Variants in NPY5R observed in about 807,000 individuals in gnomAD.
NPY5R encodes the protein neuropeptide Y receptor type 5.
In NPY5R, 21 loss-of-function variants were observed where a neutral mutation model predicts 24.8. The observed-to-expected ratio is 0.85, with a 90% CI of 0.60 to 1.22. The LOEUF is 1.22. NPY5R is among the 50% of genes most tolerant of loss of function. The pLI is 0.00. For missense variants in NPY5R, 481 were observed against 521.3 expected (o/e 0.92, Z 0.75); for synonymous variants, 175 against 183.0 (o/e 0.96, Z 0.35).
Position 163,350,567 on chromosome 4 carries a change from A to C in NPY5R, c.294A>C (p.Thr98=). The C allele has an allele frequency of 6.2e-7, 1 of 1,614,076 alleles. No homozygotes were observed. The highest frequency in any genetic ancestry group is 8.5e-7 in the Non-Finnish European group (1 of 1,180,006). The change falls in exon 4 of 4, where the codon ACA becomes ACC. Residue 98 remains threonine (T), a synonymous_variant. Coordinates refer to ENST00000338566, the MANE Select transcript of NPY5R (RefSeq NM_006174.4). ...ILVVLFCSPF[T]LTSVLLDQWM... is the part of the protein sequence containing the mutation. ...TTGTGCTGTTTTGCTCACCTTTCACACTGACGTCTGTCTTGCTGGATCAGT... is the reference window on the plus strand; with the variant it reads ...TTGTGCTGTTTTGCTCACCTTTCACCCTGACGTCTGTCTTGCTGGATCAGT...
intron 1 of NPY5R, chr4:163,345,013 C>T (rs548027178): frequency 7.9e-5 from 12 of 152,324 alleles, no homozygotes; most frequent in African/African-American, 2.4e-4. Context: ...TGGAATCATG[C>T]TGCTGTTCCA....
chr4:163,348,785 G>A (rs888400885), intron 3 of NPY5R, among the ~76,000 whole-genome samples: 1 of 151,882 alleles, frequency 6.6e-6, no homozygotes, highest in African/African-American at 2.4e-5. Flanking sequence ...AATATGTAGA[G>A]GTAAATACGT....
chr4:163,349,770 A>G (rs557683633), intron 3 of NPY5R, among the ~76,000 whole-genome samples: 26 of 152,352 alleles, frequency 1.7e-4, no homozygotes, highest in Admixed American at 1.0e-3. Context: ...TAAATTTACT[A>G]TAATCATTAT....
At chr4:163,345,231 C>T (rs538975791) in intron 1 of NPY5R, 1 of 152,278 alleles carries the variant, frequency 6.6e-6, no homozygotes, top group South Asian at 2.1e-4. Context: ...GCAGTTCCTC[C>T]TATTATTCTT....
intron 1 of NPY5R, 130 bp from the exon 2 acceptor site, chr4:163,345,584 T>C (rs1046562934): frequency 6.6e-6 from 1 of 152,210 alleles, no homozygotes; most frequent in Non-Finnish European, 1.5e-5. Context: ...TCTCTGGCTA[T>C]ATTTCATAAT....
intron 3 of NPY5R, among the ~76,000 whole-genome samples, chr4:163,349,972 C>T (rs891712817): frequency 2.0e-5 from 3 of 151,760 alleles, no homozygotes; most frequent in Non-Finnish European, 4.4e-5. Flanking sequence ...GGCGCAGTGG[C>T]GGGCGCCTGT....
chr4:163,350,877 T>C lies in NPY5R; in HGVS notation c.604T>C (p.Trp202Arg), dbSNP rs368949528. The change falls in exon 4 of 4, where the codon TGG becomes CGG. Residue 202 changes from tryptophan (W) to arginine (R), a missense_variant. Transcript: ENST00000338566. Reference protein sequence around the residue: ...LSSRYLCVESWPSDSYRIAFT... With the variant: ...LSSRYLCVESRPSDSYRIAFT... ...CAGCAGGTATTTATGTGTTGAGTCA[T>C]GGCCATCTGATTCATACAGAATTGC... The C allele has an allele frequency of 8.1e-6, 13 of 1,614,102 alleles. No homozygotes were observed. In the South Asian group the frequency reaches 1.1e-4, roughly 14 times the overall value.
chr4:163,352,304 A>C (rs769145648), downstream of NPY5R, among the ~76,000 whole-genome samples: 2 of 152,194 alleles, frequency 1.3e-5, no homozygotes, highest in Non-Finnish European at 2.9e-5. Context: ...AACATTAAAC[A>C]CTACCAATAA....
At position 163,350,428 on chromosome 4, in the gene NPY5R, G is replaced by C. The variant is rs1560870044; in HGVS notation, c.155G>C (p.Ser52Thr). The change falls in exon 4 of 4, where the codon AGT becomes ACT. Residue 52 changes from serine (S) to threonine (T), a missense_variant. Coordinates refer to ENST00000338566, the MANE Select transcript of NPY5R (RefSeq NM_006174.4). ...CTGATTGGGCTCTATACATTTGTAA[G>C]TCTTCTTGGCTTTATGGGGAATCTA... ...YFLIGLYTFV[S>T]LLGFMGNLLI... The C allele has an allele frequency of 1.9e-6, 3 of 1,613,912 alleles. No individual in the cohort carries two copies. Among genetic ancestry groups the C allele is most frequent in the Non-Finnish European group, 2.5e-6 (3 of 1,179,824 alleles).
rs1189705818 is a variant in NPY5R at position 163,351,238 on chromosome 4, A to G, written c.965A>G (p.Gln322Arg). 3.1e-6 allele frequency: 5 copies of G among 1,614,086 alleles called. No homozygotes were observed. Among genetic ancestry groups the G allele is most frequent in the Non-Finnish European group, 3.4e-6 (4 of 1,180,026 alleles). ...GAAAACTTTGGCTCTGTAAGAAGTC[A>G]GCTCTCTTCATCCAGTAAGTTCATA... ...LPENFGSVRS[Q>R]LSSSSKFIPG... Residue 322 changes from glutamine to arginine, a missense_variant, in exon 4 of 4, where the codon CAG becomes CGG. Transcript: ENST00000338566.
In NPY5R at chr4:163,349,616, T is replaced by TA. The variant is rs1009379653; in HGVS notation, c.-9-647dup. Among the ~76,000 whole-genome samples the TA allele has an allele frequency of 1.1e-4, 17 of 152,346 alleles. 1 individual carries two copies. Among genetic ancestry groups the TA allele is most frequent in the Admixed American group, 9.8e-4 (15 of 15,304 alleles). ...GGTATATTGACTTGGAGAATAATAT[T>TA]AATGAGTGATTGCAAAGCATGTATC... On this transcript the variant is annotated intron_variant, in intron 3 of 3. Transcript: ENST00000338566.
chr4:163,350,394 C>T lies in NPY5R; in HGVS notation c.121C>T (p.Gln41Ter), dbSNP rs1473033532. 1 of 1,613,182 alleles carries T rather than the reference C, an allele frequency of 6.2e-7. No individual in the cohort carries two copies. Among genetic ancestry groups the T allele is most frequent in the Admixed American group, 1.7e-5 (1 of 59,954 alleles). Residue 41 changes from glutamine (Q) to a stop codon, truncating the protein, a stop_gained, in exon 4 of 4, where the codon CAG (glutamine) becomes TAG (stop). Coordinates refer to ENST00000338566, the MANE Select transcript of NPY5R (RefSeq NM_006174.4). LOFTEE classifies it high-confidence loss of function. ...CTATAAAAGCAGTGTAGATGACTTA[C>T]AGTATTTTCTGATTGGGCTCTATAC... is the stretch of plus-strand genomic sequence containing the variant. ...DDYKSSVDDLQYFLIGLYTFV... is the reference protein window; with the variant it reads ...DDYKSSVDDL
downstream of NPY5R, among the ~76,000 whole-genome samples, chr4:163,352,345 T>G (rs1735525448): frequency 6.6e-6 from 1 of 152,194 alleles, no homozygotes; most frequent in Non-Finnish European, 1.5e-5. Context: ...TTTTCTATTC[T>G]AAAATGTGAA....
rs747640202 is a variant in NPY5R at position 163,350,481 on chromosome 4, C to T, written c.208C>T (p.Arg70Cys). ...TATTTTAATGGCTCTCATGAAAAAGCGTAATCAGAAGACTACGGTAAACTT... is the reference window on the plus strand; with the variant it reads ...TATTTTAATGGCTCTCATGAAAAAGTGTAATCAGAAGACTACGGTAAACTT... ...LLILMALMKK[R>C]NQKTTVNFLI... Residue 70 changes from arginine (R) to cysteine (C), a missense_variant, in exon 4 of 4, where the codon CGT becomes TGT. Coordinates refer to ENST00000338566, the MANE Select transcript of NPY5R (RefSeq NM_006174.4). 3.7e-6 allele frequency: 6 copies of T among 1,613,896 alleles called. No individual in the cohort carries two copies. The South Asian group carries it at 4.4e-5, about 12-fold the overall frequency.
rs768685790 is a variant in NPY5R, at chr4:163,351,364, G to C, written c.1091G>C (p.Arg364Pro). Residue 364 changes from arginine (R) to proline (P), a missense_variant, in exon 4 of 4, where the codon CGA becomes CCA. Coordinates refer to ENST00000338566, the MANE Select transcript of NPY5R (RefSeq NM_006174.4). Reference protein sequence around the residue: ...RSVTRIKKRSRSVFYRLTILI... With the variant: ...RSVTRIKKRSPSVFYRLTILI... Reference sequence around the variant, plus strand: ...GTTACAAGAATAAAAAAGAGATCTCGAAGTGTTTTCTACAGACTGACCATA... The same window carrying C: ...GTTACAAGAATAAAAAAGAGATCTCCAAGTGTTTTCTACAGACTGACCATA... The C allele has an allele frequency of 6.2e-7, 1 of 1,613,612 alleles. No individual in the cohort carries two copies. Among genetic ancestry groups the C allele is most frequent in the East Asian group, 2.2e-5 (1 of 44,866 alleles).
In NPY5R at chr4:163,350,035, C is replaced by A. The variant is rs369660147; in HGVS notation, c.-9-230C>A. ...AGGAGAATGGCGTGAACCCGGGAGG[C>A]GGAGCTTGCAGTGAGCCGAGATGGC... On this transcript the variant is annotated intron_variant, in intron 3 of 3. Transcript: ENST00000338566. 7.4e-5 allele frequency among the ~76,000 whole-genome samples: 10 copies of A among 136,002 alleles called. No homozygotes were observed. In the East Asian group the frequency reaches 2.1e-3, roughly 29 times the overall value. 89.2% of individuals were successfully genotyped at this position (136,002 alleles called of 152,430 possible).
At chr4:163,352,121 T>C (rs1237494423), downstream of NPY5R, among the ~76,000 whole-genome samples, 1 of 152,172 alleles carries the variant, frequency 6.6e-6, no homozygotes, top group Non-Finnish European at 1.5e-5. Context: ...GACAGATGTA[T>C]GCCCAAATTA....
chr4:163,344,943 C>T (rs532297969), intron 1 of NPY5R: 1 of 152,276 alleles, frequency 6.6e-6, no homozygotes, highest in South Asian at 2.1e-4. Flanking sequence ...ATTTATCTTT[C>T]CAATTCAAAT....
Position 163,351,232 on chromosome 4 carries a change from G to C in NPY5R, c.959G>C (p.Arg320Thr). Residue 320 changes from arginine (R) to threonine (T), a missense_variant, in exon 4 of 4, where the codon AGA (arginine) becomes ACA (threonine). Arg to Thr is a moderately conservative substitution (Grantham distance 71). Transcript: ENST00000338566. ...CTTCCAGAAAACTTTGGCTCTGTAA[G>C]AAGTCAGCTCTCTTCATCCAGTAAG... ...RILPENFGSV[R>T]SQLSSSSKFI... The C allele has an allele frequency of 1.2e-6, 2 of 1,614,154 alleles. No homozygotes were observed.
Sources: allele counts gnomAD v4.1 joint callset (sites outside exome capture counted in the v4.1 genomes callset), GRCh38; gene constraint gnomAD v4.1.1; transcripts MANE v1.5; gene names NCBI Gene and HGNC (gene_info 2026-07-23, HGNC 2026-07-21).